The following SYNPR variants were observed in gnomAD, a reference collection of about 807,000 sequenced individuals.
The protein encoded by SYNPR is synaptoporin.
In SYNPR, 23 loss-of-function variants were observed where a neutral mutation model predicts 32.9. That is an observed-to-expected ratio of 0.70 (90% CI 0.50 to 0.99). The LOEUF is 0.99. SYNPR is among the 50% of genes least tolerant of loss of function. The pLI, the probability that SYNPR is intolerant of heterozygous loss-of-function variation, is 0.00. For synonymous variants in SYNPR, 146 were observed against 135.9 expected (o/e 1.07, Z -0.52); for missense variants, 318 against 349.3 (o/e 0.91, Z 0.71).
intron 2 of SYNPR, among the ~76,000 whole-genome samples, chr3:63,380,491 G>A (rs1003506728): frequency 6.6e-6 from 1 of 152,164 alleles, no homozygotes; most frequent in African/African-American, 2.4e-5. Context: ...GTCTTCTTTA[G>A]AGAAGTGTAT....
intron 4 of SYNPR, among the ~76,000 whole-genome samples, chr3:63,581,975 A>G (rs1198863265): frequency 6.6e-6 from 1 of 152,118 alleles, no homozygotes; most frequent in Non-Finnish European, 1.5e-5. Flanking sequence ...TCAAAACAGT[A>G]CTTGCAAAAT....
intron 2 of SYNPR, among the ~76,000 whole-genome samples, chr3:63,444,961 AC>A (rs746017182): frequency 0.011 from 1,659 of 150,172 alleles, 30 homozygotes; most frequent in African/African-American, 0.037. Flanking sequence ...TGGAAAAAAA[AC>A]AAAACAAAAC....
At chr3:63,248,967 T>A (rs200618193) in intron 1 of SYNPR, among the ~76,000 whole-genome samples, 1 of 148,980 alleles carries the variant, frequency 6.7e-6, no homozygotes, top group African/African-American at 2.5e-5. Context: ...TTGTTTTTTT[T>A]ACCTATCCCT....
At chr3:63,482,446 G>C (rs941767337) in intron 3 of SYNPR, among the ~76,000 whole-genome samples, 1 of 152,106 alleles carries the variant, frequency 6.6e-6, no homozygotes, top group African/African-American at 2.4e-5. Flanking sequence ...AGTTGGAGCA[G>C]GAGAAGAAGG....
intron 1 of SYNPR, among the ~76,000 whole-genome samples, chr3:63,245,720 T>A (rs879606129): frequency 0.11 from 10,453 of 96,160 alleles, 454 homozygotes; most frequent in Non-Finnish European, 0.12. Context: ...AGTGTGTGTG[T>A]GTGTGTGTGT....
chr3:63,442,772 A>G (rs1700203045), intron 2 of SYNPR, among the ~76,000 whole-genome samples: 1 of 152,184 alleles, frequency 6.6e-6, no homozygotes, highest in African/African-American at 2.4e-5. Context: ...CTTCCAGTAC[A>G]TCACCTTAAT....
At chr3:63,357,578 C>A (rs752596633) in intron 2 of SYNPR, among the ~76,000 whole-genome samples, 2 of 152,226 alleles carry the variant, frequency 1.3e-5, no homozygotes, top group South Asian at 4.1e-4. Context: ...CCATTCCCTG[C>A]CTGCTGGATT....
chr3:63,586,784 T>A (rs1225366083), intron 4 of SYNPR, among the ~76,000 whole-genome samples: 1 of 151,724 alleles, frequency 6.6e-6, no homozygotes, highest in African/African-American at 2.4e-5. Flanking sequence ...GATAGTCCTA[T>A]GCGCAAGGAC....
intron 3 of SYNPR, among the ~76,000 whole-genome samples, chr3:63,553,344 T>G (rs1702535214): frequency 6.6e-6 from 1 of 152,234 alleles, no homozygotes; most frequent in Admixed American, 6.5e-5. Context: ...CAACCATTGA[T>G]GGGCACCTGA....
chr3:63,504,525 G>A (rs1261980807), intron 3 of SYNPR, among the ~76,000 whole-genome samples: 1 of 152,006 alleles, frequency 6.6e-6, no homozygotes, highest in African/African-American at 2.4e-5. Context: ...GTCAGTCATT[G>A]CCCCTTCGAG....
At chr3:63,413,530 C>G (rs1443322443) in intron 2 of SYNPR, among the ~76,000 whole-genome samples, 4 of 152,124 alleles carry the variant, frequency 2.6e-5, no homozygotes, top group Non-Finnish European at 5.9e-5. Context: ...TAGACAAAAG[C>G]TATTTTCCTT....
chr3:63,402,036 G>A (rs960293439), intron 2 of SYNPR, among the ~76,000 whole-genome samples: 1 of 151,442 alleles, frequency 6.6e-6, no homozygotes, highest in African/African-American at 2.5e-5. Flanking sequence ...GGCCCCTGCT[G>A]TTCATCCTTA....
At chr3:63,482,727 G>C (rs1701071670) in intron 3 of SYNPR, among the ~76,000 whole-genome samples, 1 of 152,116 alleles carries the variant, frequency 6.6e-6, no homozygotes, top group African/African-American at 2.4e-5. Context: ...TCATCTAGGA[G>C]ATATACACAC....
At chr3:63,411,310 G>A (rs1169698425) in intron 2 of SYNPR, among the ~76,000 whole-genome samples, 1 of 152,046 alleles carries the variant, frequency 6.6e-6, no homozygotes, top group Non-Finnish European at 1.5e-5. Context: ...TGTTTCTGCT[G>A]GCCTATGTCC....
intron 2 of SYNPR, among the ~76,000 whole-genome samples, chr3:63,455,975 G>A (rs1700474537): frequency 6.6e-6 from 1 of 152,068 alleles, no homozygotes; most frequent in African/African-American, 2.4e-5. Context: ...TGGACTATCA[G>A]TTCCACATGG....
chr3:63,317,262 T>A lies in SYNPR; in HGVS notation c.84+38520T>A, dbSNP rs531457861. ...TCTGTTAAGTACATTTATTCCAAGG[T>A]GTAGTTTAAATCCATTGTTTCTTTG... On this transcript the variant is annotated intron_variant, in intron 2 of 5. Transcript: ENST00000478300. Among the ~76,000 whole-genome samples, 299 of 152,056 alleles carry A rather than the reference T, an allele frequency of 2.0e-3. 1 individual carries two copies. The highest frequency in any genetic ancestry group is 6.7e-3 in the African/African-American group (277 of 41,510).
chr3:63,610,644 A>G, intron 5 of SYNPR: 1 of 518,034 alleles, frequency 1.9e-6, no homozygotes, highest in Non-Finnish European at 3.5e-6. Flanking sequence ...GAACACTTTG[A>G]GGTATACGTT....
chr3:63,460,881 C>T (rs990612585), intron 2 of SYNPR, among the ~76,000 whole-genome samples: 2 of 152,028 alleles, frequency 1.3e-5, no homozygotes, highest in Admixed American at 1.3e-4. Context: ...GACAAGACCA[C>T]CACTCTGGGC....
chr3:63,239,751 T>G (rs1328942170), intron 1 of SYNPR, among the ~76,000 whole-genome samples: 1 of 151,534 alleles, frequency 6.6e-6, no homozygotes, highest in Non-Finnish European at 1.5e-5. Flanking sequence ...TATTGTCAAG[T>G]GTATCATACC....
Sources: gnomAD v4.1 joint callset for allele counts (sites outside exome capture counted in the v4.1 genomes callset) on GRCh38, gnomAD v4.1.1 for gene constraint, MANE v1.5 for transcripts, NCBI Gene and HGNC (gene_info 2026-07-23, HGNC 2026-07-21) for gene names.